GRHL2: variants seen among roughly 807,000 people sequenced by gnomAD.
GRHL2 encodes the protein grainyhead-like protein 2 homolog.
A neutral mutation model predicts 83.8 loss-of-function variants in GRHL2; 21 were observed. The observed-to-expected ratio is 0.25, with a 90% CI of 0.18 to 0.36. The LOEUF (loss-of-function observed/expected upper bound fraction) is 0.36. Ranked by LOEUF, GRHL2 falls within the 10% of genes least tolerant of loss-of-function variation. The pLI is 1.00. For missense variants in GRHL2, 623 were observed against 781.8 expected (o/e 0.80, Z 2.42); for synonymous variants, 280 against 278.9 (o/e 1.00, Z -0.04).
the GRHL2 span, among the ~76,000 whole-genome samples, chr8:101,680,919 T>G: frequency 8.0e-6 from 1 of 124,314 alleles, no homozygotes; most frequent in Non-Finnish European, 1.7e-5. Context: ...TGGGACGCAT[T>G]CAAAGCAGTG....
chr8:101,516,410 C>CT (rs33990862), intron 1 of GRHL2, among the ~76,000 whole-genome samples: 989 of 85,970 alleles, frequency 0.012, 26 homozygotes, highest in African/African-American at 0.015. Context: ...ACCTCTTTTC[C>CT]TTTTTTTTTT....
At chr8:101,645,964 T>C (rs1813504006) in intron 13 of GRHL2, among the ~76,000 whole-genome samples, 1 of 152,086 alleles carries the variant, frequency 6.6e-6, no homozygotes, top group African/African-American at 2.4e-5. Flanking sequence ...GCCTCTGCCT[T>C]CCATGCTCAG....
intron 1 of GRHL2, among the ~76,000 whole-genome samples, chr8:101,503,885 CT>C (rs1810282169): frequency 6.6e-6 from 1 of 152,108 alleles, no homozygotes; most frequent in Admixed American, 6.5e-5. Context: ...GGTTTTCTCT[CT>C]TAAGTATAAA....
At chr8:101,494,462 A>G (rs908066286) in intron 1 of GRHL2, among the ~76,000 whole-genome samples, 1 of 152,126 alleles carries the variant, frequency 6.6e-6, no homozygotes, top group Non-Finnish European at 1.5e-5. Context: ...CAGGGTAGGA[A>G]GAGGAGAGTG....
At chr8:101,518,811 T>G (rs1422277151) in intron 1 of GRHL2, among the ~76,000 whole-genome samples, 1 of 152,030 alleles carries the variant, frequency 6.6e-6, no homozygotes, top group Non-Finnish European at 1.5e-5. Flanking sequence ...TCTCAAAGAG[T>G]TTTCTAAGGT....
chr8:101,672,123 T>G (rs1000368556), downstream of GRHL2, among the ~76,000 whole-genome samples: 18 of 151,686 alleles, frequency 1.2e-4, no homozygotes, highest in Non-Finnish European at 2.5e-4. Flanking sequence ...GCAGAAAAAC[T>G]GGCAACTCTA....
At chr8:101,502,553 C>T (rs1810251372) in intron 1 of GRHL2, among the ~76,000 whole-genome samples, 1 of 152,176 alleles carries the variant, frequency 6.6e-6, no homozygotes, top group Admixed American at 6.5e-5. Context: ...AAAAGTGGTA[C>T]AAGAAAATCA....
At chr8:101,544,433 T>G (rs1283631710) in intron 2 of GRHL2, among the ~76,000 whole-genome samples, 1 of 152,222 alleles carries the variant, frequency 6.6e-6, no homozygotes, top group Non-Finnish European at 1.5e-5. Flanking sequence ...TGCCATATAC[T>G]ACCTATAAAA....
intron 8 of GRHL2, among the ~76,000 whole-genome samples, chr8:101,604,106 A>T (rs1812577671): frequency 1.3e-5 from 2 of 149,596 alleles, no homozygotes; most frequent in Admixed American, 6.7e-5. Flanking sequence ...GTAGATTAAG[A>T]TCCCATCCAT....
At chr8:101,680,676 G>A in the GRHL2 span, among the ~76,000 whole-genome samples, 3 of 127,752 alleles carry the variant, frequency 2.3e-5, no homozygotes, top group Admixed American at 8.1e-5. Context: ...ATACTTGGAA[G>A]TAAAGCTCTC....
At chr8:101,622,935 T>A (rs1812994178) in intron 9 of GRHL2, among the ~76,000 whole-genome samples, 1 of 152,208 alleles carries the variant, frequency 6.6e-6, no homozygotes, top group Non-Finnish European at 1.5e-5. Flanking sequence ...GAACATATGA[T>A]GTTTGATTTT....
rs1814155338 is a variant in GRHL2, at chr8:101,669,264, T to G, written c.*2561T>G. 1 of 150,424 alleles carries G rather than the reference T, an allele frequency of 6.6e-6. No homozygotes were observed. Among genetic ancestry groups the G allele is most frequent in the African/African-American group, 2.4e-5 (1 of 41,108 alleles). 9.3% of individuals were successfully genotyped at this position (150,424 alleles called of 1,614,324 possible). On this transcript the variant is annotated 3_prime_UTR_variant, in exon 16 of 16. Transcript: ENST00000646743. ...AATGAGCATTTTTTTCTTTTTTTTT[T>G]TTAACAAAGTCTGAACTGAACAGAA...
intron 6 of GRHL2, among the ~76,000 whole-genome samples, chr8:101,576,858 G>C (rs1217356688): frequency 6.6e-6 from 1 of 152,112 alleles, no homozygotes; most frequent in African/African-American, 2.4e-5. Context: ...GCGTTTTTCA[G>C]TGTATGAAAT....
downstream of GRHL2, among the ~76,000 whole-genome samples, chr8:101,674,184 A>G (rs10111577): frequency 0.12 from 17,632 of 152,210 alleles, 1,127 homozygotes; most frequent in South Asian, 0.21. Context: ...AAAAGCTAGC[A>G]GAAGGCAAGA....
intron 15 of GRHL2, 137 bp from the exon 16 acceptor site, chr8:101,666,452 T>C: frequency 1.5e-6 from 1 of 687,480 alleles, no homozygotes; most frequent in South Asian, 1.6e-5. Flanking sequence ...CCCTGCCTTG[T>C]GTCCTCTCTC....
At chr8:101,652,273 ATAT>A (rs1354256029) in intron 14 of GRHL2, among the ~76,000 whole-genome samples, 1 of 150,496 alleles carries the variant, frequency 6.6e-6, no homozygotes, top group East Asian at 1.9e-4. Context: ...ATGACATATT[ATAT>A]ATCTATATTG....
At chr8:101,641,522 T>C (rs1403413278) in intron 12 of GRHL2, among the ~76,000 whole-genome samples, 1 of 152,204 alleles carries the variant, frequency 6.6e-6, no homozygotes, top group Non-Finnish European at 1.5e-5. Context: ...TTTACAGGTA[T>C]GGCCAGAGAT....
intron 9 of GRHL2, 21 bp from the exon 10 acceptor site, chr8:101,631,616 T>C (rs1813187156): frequency 1.3e-6 from 2 of 1,598,448 alleles, no homozygotes; most frequent in African/African-American, 2.7e-5. Context: ...GCATTTTCTG[T>C]ATTTGTTTTT....
the GRHL2 span, among the ~76,000 whole-genome samples, chr8:101,677,203 A>AAT: frequency 6.7e-3 from 1,000 of 148,394 alleles, 13 homozygotes; most frequent in African/African-American, 0.024. Flanking sequence ...CCTAAAACTT[A>AAT]AATAATAACA....
Sources: gnomAD v4.1 joint callset for allele counts (sites outside exome capture counted in the v4.1 genomes callset) on GRCh38, gnomAD v4.1.1 for gene constraint, MANE v1.5 for transcripts, NCBI Gene and HGNC (gene_info 2026-07-23, HGNC 2026-07-21) for gene names.